The following AHI1 variants were observed in gnomAD, a reference collection of about 807,000 sequenced individuals.
AHI1 encodes the protein Abelson helper integration site 1, also known as jouberin.
AHI1 carries 123 observed loss-of-function variants against 149.3 expected under a neutral mutation model. The observed-to-expected ratio is 0.82, with a 90% CI of 0.71 to 0.96. The LOEUF is 0.96. AHI1 is among the 40% of genes least tolerant of loss of function. The pLI, the probability that AHI1 is intolerant of heterozygous loss-of-function variation, is 0.00. For synonymous variants in AHI1, 475 were observed against 459.8 expected (o/e 1.03, Z -0.42); for missense variants, 1,439 against 1,422.7 (o/e 1.01, Z -0.18).
At chr6:135,486,749 C>T (rs558767774) in intron 5 of AHI1, among the ~76,000 whole-genome samples, 5 of 151,900 alleles carry the variant, frequency 3.3e-5, no homozygotes, top group African/African-American at 1.2e-4. Flanking sequence ...AGTAAAATAC[C>T]TGATATTTTA....
intron 15 of AHI1, among the ~76,000 whole-genome samples, chr6:135,434,351 G>C (rs575600929): frequency 6.6e-6 from 1 of 152,006 alleles, no homozygotes; most frequent in African/African-American, 2.4e-5. Flanking sequence ...GCCCATGAAT[G>C]AATCAATTGC....
intron 23 of AHI1, among the ~76,000 whole-genome samples, chr6:135,367,617 T>C (rs2128451514): frequency 6.6e-6 from 1 of 152,254 alleles, no homozygotes; most frequent in Non-Finnish European, 1.5e-5. Flanking sequence ...AGCTCTTATG[T>C]TCTTTCTTTT....
intron 20 of AHI1, among the ~76,000 whole-genome samples, chr6:135,415,777 T>C (rs1324365671): frequency 3.3e-5 from 5 of 152,170 alleles, no homozygotes; most frequent in Admixed American, 6.5e-5. Flanking sequence ...GACAGGTGAA[T>C]GGATAAACAA....
At chr6:135,495,005 G>A (rs1272161305) in intron 3 of AHI1, among the ~76,000 whole-genome samples, 1 of 152,146 alleles carries the variant, frequency 6.6e-6, no homozygotes, top group Non-Finnish European at 1.5e-5. Context: ...AGGAATGAAT[G>A]GAAGGTGACA....
At chr6:135,376,881 CAAAAAAAAAAAAAAAAAAAAAAA>C (rs1167083326) in intron 23 of AHI1, among the ~76,000 whole-genome samples, 6 of 29,414 alleles carry the variant, frequency 2.0e-4, no homozygotes, top group Admixed American at 1.2e-3. Context: ...GACTCCATCT[CAAAAAAAAAAAAAAAAAAAAAAA>C]AAAAAAAAAA....
At chr6:135,386,877 C>T (rs1433617298) in intron 23 of AHI1, among the ~76,000 whole-genome samples, 1 of 151,838 alleles carries the variant, frequency 6.6e-6, no homozygotes, top group African/African-American at 2.4e-5. Flanking sequence ...CTGATTGGCC[C>T]ACCTCGGCCT....
chr6:135,448,261 T>G (rs376220565), intron 12 of AHI1, 29 bp downstream of exon 12: 2 of 1,448,890 alleles, frequency 1.4e-6, no homozygotes, highest in Non-Finnish European at 1.9e-6. Flanking sequence ...CACTAGATGA[T>G]ATACACTTAA....
At chr6:135,305,224 C>G (rs1249111583) in intron 26 of AHI1, 1 of 152,188 alleles carries the variant, frequency 6.6e-6, no homozygotes, top group Non-Finnish European at 1.5e-5. Context: ...CGTCTTCTAC[C>G]CTTTGTCATT....
intron 22 of AHI1, among the ~76,000 whole-genome samples, chr6:135,399,508 G>T (rs1218971722): frequency 2.0e-5 from 3 of 152,028 alleles, no homozygotes; most frequent in Non-Finnish European, 4.4e-5. Flanking sequence ...TTCTATCTTT[G>T]TTTCTGGGGA....
rs766795439 is a variant in AHI1 at position 135,466,021 on chromosome 6, T to G, written c.542A>C (p.Asp181Ala). Residue 181 changes from aspartate (D) to alanine (A), a missense_variant, in exon 7 of 29, where the codon GAT becomes GCT. Physicochemically the swap from Asp to Ala is moderately radical, Grantham distance 126. Transcript: ENST00000265602. ...CATCAATTCTTCATCCTCTTCTAAA[T>G]CAGTCTCTTCTCTTCCCTCATTTGC... ...EKANEGREET[D>A]LEEDEELMQA... The G allele has an allele frequency of 1.2e-6, 2 of 1,613,986 alleles. No homozygotes were observed. The highest frequency in any genetic ancestry group is 3.3e-5 in the Admixed American group (2 of 60,016).
At chr6:135,423,083 G>A (rs1032856275) in intron 20 of AHI1, among the ~76,000 whole-genome samples, 3 of 151,914 alleles carry the variant, frequency 2.0e-5, no homozygotes, top group East Asian at 3.8e-4. Context: ...CTGTGCCTCC[G>A]TTTCATCATC....
At position 135,285,539 on chromosome 6, in the gene AHI1, C is replaced by A; in HGVS notation, c.*106G>T. 8.4e-7 allele frequency: 1 copy of A among 1,192,884 alleles called. No homozygotes were observed. Among genetic ancestry groups the A allele is most frequent in the Non-Finnish European group, 1.2e-6 (1 of 820,762 alleles). 73.9% of individuals were successfully genotyped at this position (1,192,884 alleles called of 1,614,324 possible). A position where few individuals can be genotyped will look rare whatever the true frequency, so the allele number is the denominator to read the frequency against. ...AAGAACAAGAAGTAGTGGATCCTTT[C>A]TTCCTCCTTAGTATCTGAAAATTCT... is the stretch of plus-strand genomic sequence containing the variant. On this transcript the variant is annotated 3_prime_UTR_variant, in exon 29 of 29. Transcript: ENST00000265602.
At chr6:135,362,641 G>T (rs1794084270) in intron 23 of AHI1, among the ~76,000 whole-genome samples, 1 of 152,082 alleles carries the variant, frequency 6.6e-6, no homozygotes, top group South Asian at 2.1e-4. Context: ...TCATATGCTT[G>T]TTGGCCATTT....
chr6:135,333,644 T>C (rs1788934366), intron 24 of AHI1, among the ~76,000 whole-genome samples: 1 of 152,168 alleles, frequency 6.6e-6, no homozygotes, highest in African/African-American at 2.4e-5. Flanking sequence ...CTTAAAAACT[T>C]CAAACAAGCA....
At chr6:135,490,050 A>G (rs1322729361) in intron 5 of AHI1, 8 of 638,036 alleles carry the variant, frequency 1.3e-5, no homozygotes, top group Non-Finnish European at 2.0e-5. Context: ...GGATGCCAAT[A>G]CAGACTCTTT....
intron 21 of AHI1, among the ~76,000 whole-genome samples, chr6:135,410,581 T>C (rs1025629739): frequency 4.6e-5 from 7 of 152,222 alleles, no homozygotes; most frequent in African/African-American, 1.7e-4. Flanking sequence ...TGAAATTAGT[T>C]CTCTACGCTA....
chr6:135,491,417 G>C (rs978622216), intron 4 of AHI1, among the ~76,000 whole-genome samples: 1 of 152,072 alleles, frequency 6.6e-6, no homozygotes, highest in Non-Finnish European at 1.5e-5. Flanking sequence ...AGCTGTTTCT[G>C]AGGCAAGCTT....
chr6:135,357,359 G>A (rs908982732), intron 24 of AHI1, among the ~76,000 whole-genome samples: 2 of 152,166 alleles, frequency 1.3e-5, no homozygotes, highest in African/African-American at 4.8e-5. Context: ...TGTTCATTGG[G>A]ACATTTTGGA....
At position 135,391,945 on chromosome 6, in the gene AHI1, T is replaced by C. The variant is rs551710405; in HGVS notation, c.3109+2831A>G. On this transcript the variant is annotated intron_variant, in intron 23 of 28. Transcript: ENST00000265602. ...CTAAACAACTGGGTGAATGGTGCTG[T>C]GGAATACTGGGATTAGGAAAACTTG... Among the ~76,000 whole-genome samples, 325 of 152,242 alleles carry C rather than the reference T, an allele frequency of 2.1e-3. 1 individual carries two copies. Among genetic ancestry groups the C allele is most frequent in the African/African-American group, 7.5e-3 (312 of 41,550 alleles).
Sources: allele counts gnomAD v4.1 joint callset (sites outside exome capture counted in the v4.1 genomes callset), GRCh38; gene constraint gnomAD v4.1.1; transcripts MANE v1.5; gene names NCBI Gene and HGNC (gene_info 2026-07-23, HGNC 2026-07-21).